Variants in CCDC186 observed in about 807,000 individuals in gnomAD.
CCDC186 encodes the protein coiled-coil domain containing 186.
Under a neutral mutation model 113.7 loss-of-function variants are expected in CCDC186, and 49 were observed. The observed-to-expected ratio is 0.43, with a 90% CI of 0.34 to 0.55. CCDC186 has a LOEUF of 0.55. CCDC186 is among the 20% of genes least tolerant of loss of function. CCDC186 has a pLI of 0.02. For synonymous variants in CCDC186, 355 were observed against 345.8 expected (o/e 1.03, Z -0.30); for missense variants, 890 against 1,011.1 (o/e 0.88, Z 1.62).
intron 3 of CCDC186, among the ~76,000 whole-genome samples, chr10:114,153,698 A>G (rs150541802): frequency 4.6e-5 from 7 of 151,546 alleles, no homozygotes; most frequent in Non-Finnish European, 1.0e-4. Flanking sequence ...AGGCAGGAGA[A>G]TCGCTTGAAC....
intron 1 of CCDC186, among the ~76,000 whole-genome samples, chr10:114,166,952 T>C (rs1280686131): frequency 2.6e-5 from 4 of 151,966 alleles, no homozygotes; most frequent in African/African-American, 9.7e-5. Flanking sequence ...GTCAGCAATA[T>C]GCTCATGACT....
chr10:114,131,931 A>G lies in CCDC186; in HGVS notation c.1909T>C (p.Leu637=). The change falls in exon 11 of 16, where the codon TTG becomes CTG. Residue 637 remains leucine, a splice_region_variant and synonymous_variant. Coordinates refer to ENST00000369287, the MANE Select transcript of CCDC186 (RefSeq NM_018017.4). The stretch of plus-strand genomic sequence containing the variant: ...AAAAAATGTAAATTTATACTTACCA[A>G]ATTAATATTTGTCTGTTTCATTTGT... ...CEQMKQTNIN[L]ESRLLKEEEL... is the part of the protein sequence containing the mutation. 6.3e-7 allele frequency: 1 copy of G among 1,598,708 alleles called. No homozygotes were observed. The highest frequency in any genetic ancestry group is 8.5e-7 in the Non-Finnish European group (1 of 1,171,758).
rs186272538 is a variant in CCDC186 at position 114,165,668 on chromosome 10, C to T, written c.-61-2339G>A. On this transcript the variant is annotated intron_variant, in intron 1 of 15. Coordinates refer to ENST00000369287, the MANE Select transcript of CCDC186 (RefSeq NM_018017.4). ...TTGCGCCACTGCACTCCAGCCTGGG[C>T]GACGGAGCGAGACTCTGTCTCAAAA... is the stretch of plus-strand genomic sequence containing the variant. Among the ~76,000 whole-genome samples the T allele has an allele frequency of 4.2e-3, 637 of 152,046 alleles. 4 individuals carry two copies. The highest frequency in any genetic ancestry group is 9.9e-3 in the Admixed American group (151 of 15,264).
chr10:114,150,446 G>A (rs1489264669), intron 4 of CCDC186, among the ~76,000 whole-genome samples: 2 of 152,084 alleles, frequency 1.3e-5, no homozygotes, highest in Non-Finnish European at 2.9e-5. Context: ...ATATGACCAT[G>A]TACAAATAAA....
At chr10:114,169,866 A>G (rs1462260697) in intron 1 of CCDC186, among the ~76,000 whole-genome samples, 1 of 152,192 alleles carries the variant, frequency 6.6e-6, no homozygotes, top group Non-Finnish European at 1.5e-5. Context: ...ATTAACTTTA[A>G]AAGATACTTT....
chr10:114,162,844 T>C lies in CCDC186; in HGVS notation c.425A>G (p.Asp142Gly), dbSNP rs2032219243. The change falls in exon 2 of 16, where the codon GAT becomes GGT. Residue 142 changes from aspartate (D) to glycine (G), a missense_variant. By Grantham distance (94) the Asp-to-Gly change is moderately conservative. Coordinates refer to ENST00000369287, the MANE Select transcript of CCDC186 (RefSeq NM_018017.4). ...NEKTYSESPY[D>G]TDCTKKFISK... The stretch of plus-strand genomic sequence containing the variant: ...AATAAATTTCTTGGTGCAGTCTGTA[T>C]CATAGGGGCTTTCTGAATAAGTCTT... The C allele has an allele frequency of 1.2e-6, 2 of 1,614,022 alleles. No individual in the cohort carries two copies. The highest frequency in any genetic ancestry group is 1.7e-6 in the Non-Finnish European group (2 of 1,179,946).
At chr10:114,155,019 G>A (rs1006647993) in intron 3 of CCDC186, among the ~76,000 whole-genome samples, 2 of 152,110 alleles carry the variant, frequency 1.3e-5, no homozygotes, top group African/African-American at 2.4e-5. Context: ...TATATGAAAC[G>A]TCCAGAACAG....
chr10:114,162,877 G>C lies in CCDC186; in HGVS notation c.392C>G (p.Ala131Gly). The change falls in exon 2 of 16, where the codon GCT becomes GGT. Residue 131 changes from alanine to glycine, a missense_variant. Coordinates refer to ENST00000369287, the MANE Select transcript of CCDC186 (RefSeq NM_018017.4). ...ELRSSTFPES[A>G]NEKTYSESPY... ...GCTTTCTGAATAAGTCTTTTCATTAGCTGATTCTGGAAATGTAGATGACCT... is the reference window on the plus strand; with the variant it reads ...GCTTTCTGAATAAGTCTTTTCATTACCTGATTCTGGAAATGTAGATGACCT... 1 of 1,613,848 alleles carries C rather than the reference G, an allele frequency of 6.2e-7. No homozygotes were observed. Among genetic ancestry groups the C allele is most frequent in the Non-Finnish European group, 8.5e-7 (1 of 1,179,890 alleles).
intron 4 of CCDC186, among the ~76,000 whole-genome samples, chr10:114,148,922 A>G (rs2031729069): frequency 2.0e-5 from 3 of 152,252 alleles, no homozygotes. Flanking sequence ...GAACATGGGT[A>G]AACACATATG....
At chr10:114,135,176 A>G (rs1297362303) in intron 9 of CCDC186, 121 bp from the exon 10 acceptor site, 3 of 989,642 alleles carry the variant, frequency 3.0e-6, no homozygotes, top group African/African-American at 3.4e-5. Flanking sequence ...TGAAGAAAAT[A>G]TAATGCGAAG....
chr10:114,167,345 G>A (rs2032365098), intron 1 of CCDC186, among the ~76,000 whole-genome samples: 1 of 152,020 alleles, frequency 6.6e-6, no homozygotes, highest in African/African-American at 2.4e-5. Context: ...GAAAAGGAGG[G>A]GATTAACAAT....
At chr10:114,137,410 T>C (rs541829344) in intron 6 of CCDC186, 120 bp from the exon 7 acceptor site, 18 of 635,368 alleles carry the variant, frequency 2.8e-5, no homozygotes, top group African/African-American at 2.8e-4. Context: ...ATTATTATTC[T>C]AGCAATAATA....
In CCDC186 at chr10:114,159,522, A is replaced by C. The variant is rs189946617; in HGVS notation, c.633-1842T>G. ...GCTGGGTGTGGTAGGGCGTGCCTGT[A>C]GTCCCAGCTACTCAGGAGGCTGAGG... On this transcript the variant is annotated intron_variant, in intron 2 of 15. Coordinates refer to ENST00000369287, the MANE Select transcript of CCDC186 (RefSeq NM_018017.4). Among the ~76,000 whole-genome samples the C allele has an allele frequency of 3.9e-3, 583 of 151,396 alleles. 3 individuals are homozygous for C. The highest frequency in any genetic ancestry group is 0.013 in the African/African-American group (544 of 41,284).
At chr10:114,140,912 T>A (rs886070553) in intron 6 of CCDC186, among the ~76,000 whole-genome samples, 6 of 151,712 alleles carry the variant, frequency 4.0e-5, no homozygotes, top group Non-Finnish European at 8.8e-5. Context: ...TTTTTTTTTT[T>A]AAGACACAGG....
In CCDC186 at chr10:114,124,105, C is replaced by G. The variant is rs2030812727; in HGVS notation, c.*1038G>C. On this transcript the variant is annotated 3_prime_UTR_variant, in exon 16 of 16. Transcript: ENST00000369287. ...GCCTCAGGTAATCCTCCTGCCTTGG[C>G]TTCCCAAAGTGCTGGGATTACAGGC... 6.6e-6 allele frequency: 1 copy of G among 152,292 alleles called. No individual in the cohort carries two copies. Among genetic ancestry groups the G allele is most frequent in the South Asian group, 2.1e-4 (1 of 4,836 alleles). The allele number at this position is 152,292 out of a possible 1,614,324, so 9.4% of individuals were successfully genotyped here.
chr10:114,134,703 T>C (rs900296123), intron 10 of CCDC186, among the ~76,000 whole-genome samples: 7 of 152,320 alleles, frequency 4.6e-5, no homozygotes, highest in East Asian at 3.9e-4. Context: ...CCACTACCAA[T>C]GTTTAAGGAA....
intron 5 of CCDC186, among the ~76,000 whole-genome samples, chr10:114,145,262 CAACA>C (rs2031598364): frequency 6.6e-6 from 1 of 152,014 alleles, no homozygotes; most frequent in Admixed American, 6.5e-5. Flanking sequence ...CAAATTTCTC[CAACA>C]TACAGATTTT....
Position 114,163,033 on chromosome 10 carries a change from G to C in CCDC186, c.236C>G (p.Ser79Cys), listed in dbSNP as rs1156988222. The change falls in exon 2 of 16, where the codon TCT becomes TGT. Residue 79 changes from serine to cysteine, a missense_variant. Coordinates refer to ENST00000369287, the MANE Select transcript of CCDC186 (RefSeq NM_018017.4). ...YIPDHGGGED[S>C]CAKTDTGSEN... Reference sequence around the variant, plus strand: ...TGAGCCTGTGTCTGTTTTGGCACAAGAATCCTCACCTCCACCATGATCTGG... The same window carrying C: ...TGAGCCTGTGTCTGTTTTGGCACAACAATCCTCACCTCCACCATGATCTGG... 4 of 1,614,100 alleles carry C rather than the reference G, an allele frequency of 2.5e-6. No individual in the cohort carries two copies. In the South Asian group the frequency reaches 4.4e-5, roughly 18 times the overall value.
At chr10:114,169,699 T>C (rs1255142213) in intron 1 of CCDC186, among the ~76,000 whole-genome samples, 1 of 152,204 alleles carries the variant, frequency 6.6e-6, no homozygotes, top group African/African-American at 2.4e-5. Flanking sequence ...CAAAAACACC[T>C]TGAAAGCAGC....
Sources: gnomAD v4.1 joint callset for allele counts (sites outside exome capture counted in the v4.1 genomes callset) on GRCh38, gnomAD v4.1.1 for gene constraint, MANE v1.5 for transcripts, NCBI Gene and HGNC (gene_info 2026-07-23, HGNC 2026-07-21) for gene names.